RCVRN: variants seen among roughly 807,000 people sequenced by gnomAD.
The protein encoded by RCVRN is cancer associated retinopathy antigen.
A neutral mutation model predicts 20.4 loss-of-function variants in RCVRN; 23 were observed. The observed-to-expected ratio is 1.13, with a 90% CI of 0.81 to 1.60. The LOEUF is 1.60. RCVRN is among the 40% of genes most tolerant of loss of function. RCVRN has a pLI of 0.00. For missense variants in RCVRN, 254 were observed against 254.2 expected, an observed-to-expected ratio of 1.00 and a Z score of 0.00; for synonymous variants, 105 against 105.9, an observed-to-expected ratio of 0.99 and a Z score of 0.05.
chr17:9,902,081 C>G (rs1056652168), intron 1 of RCVRN, among the ~76,000 whole-genome samples: 2 of 151,644 alleles, frequency 1.3e-5, no homozygotes, highest in Non-Finnish European at 2.9e-5. Flanking sequence ...CTTGCTTCCC[C>G]CTCTTTCCTT....
chr17:9,899,420 C>A lies in RCVRN; in HGVS notation c.494-1216G>T, dbSNP rs114918844. On this transcript the variant is annotated intron_variant, in intron 2 of 2. Transcript: ENST00000226193. The surrounding 1 kb of genome is among the most constrained non-coding windows in gnomAD (Gnocchi z 4.6). ...CAGATGGGCCGCGTGGAAACACGTA[C>A]AACACATCACGAACAGGAGTAACAC... Among the ~76,000 whole-genome samples, 452 of 152,338 alleles carry A rather than the reference C, an allele frequency of 3.0e-3. 3 individuals carry two copies. Among genetic ancestry groups the A allele is most frequent in the African/African-American group, 0.011 (440 of 41,578 alleles).
rs1187350746 is a variant in RCVRN, at chr17:9,904,586, C to G, written c.381+214G>C. On this transcript the variant is annotated intron_variant, in intron 1 of 2. Transcript: ENST00000226193. This position sits in a 1 kb window ranked among gnomAD's most constrained non-coding sequence, Gnocchi z 5.8. Reference sequence around the variant, plus strand: ...CATAACATGGCTGTATTAGGAAACACTCAGATTCTGCTCCGGGAAGACAAC... The same window carrying G: ...CATAACATGGCTGTATTAGGAAACAGTCAGATTCTGCTCCGGGAAGACAAC... 1.3e-5 allele frequency among the ~76,000 whole-genome samples: 2 copies of G among 152,208 alleles called. No individual in the cohort carries two copies. The highest frequency in any genetic ancestry group is 2.9e-5 in the Non-Finnish European group (2 of 68,034).
Position 9,899,617 on chromosome 17 carries a change from C to T in RCVRN, c.493+1372G>A, listed in dbSNP as rs2152054261. Among the ~76,000 whole-genome samples, 1 of 152,282 alleles carries T rather than the reference C, an allele frequency of 6.6e-6. No homozygotes were observed. Among genetic ancestry groups the T allele is most frequent in the East Asian group, 1.9e-4 (1 of 5,166 alleles). ...GTGCCAAAAGAAGGCATCTTGGTAGCCAGTGTCTGTGCAAGGAGGAGAGAG... is the reference window on the plus strand; with the variant it reads ...GTGCCAAAAGAAGGCATCTTGGTAGTCAGTGTCTGTGCAAGGAGGAGAGAG... On this transcript the variant is annotated intron_variant, in intron 2 of 2. Transcript: ENST00000226193. This position sits in a 1 kb window ranked among gnomAD's most constrained non-coding sequence, Gnocchi z 4.6.
chr17:9,901,738 G>T (rs1335043223), intron 1 of RCVRN, among the ~76,000 whole-genome samples: 1 of 152,200 alleles, frequency 6.6e-6, no homozygotes, highest in Admixed American at 6.5e-5. Context: ...GTGAGTGCCT[G>T]CCCACCCCAC....
In RCVRN at chr17:9,904,239, C is replaced by T. The variant is rs2152055071; in HGVS notation, c.381+561G>A. On this transcript the variant is annotated intron_variant, in intron 1 of 2. Transcript: ENST00000226193. This position sits in a 1 kb window ranked among gnomAD's most constrained non-coding sequence, Gnocchi z 5.8. ...TCTGGGCTACAGAGTGAGACTCCAT[C>T]TCAAAAAAATAAAAAATAAAAAACC... 6.6e-6 allele frequency among the ~76,000 whole-genome samples: 1 copy of T among 152,076 alleles called. No homozygotes were observed. Among genetic ancestry groups the T allele is most frequent in the South Asian group, 2.1e-4 (1 of 4,808 alleles).
Position 9,899,134 on chromosome 17 carries a change from C to T in RCVRN, c.494-930G>A, listed in dbSNP as rs928801134. Among the ~76,000 whole-genome samples, 3 of 152,200 alleles carry T rather than the reference C, an allele frequency of 2.0e-5. No homozygotes were observed. Among genetic ancestry groups the T allele is most frequent in the Non-Finnish European group, 2.9e-5 (2 of 68,034 alleles). On this transcript the variant is annotated intron_variant, in intron 2 of 2. Transcript: ENST00000226193. The surrounding 1 kb of genome is among the most constrained non-coding windows in gnomAD (Gnocchi z 4.6). ...AAATACCTCTAGCATGAGACAGATG[C>T]TCCTTTCTGTTGTATGTTCACAGTG...
At position 9,901,074 on chromosome 17, in the gene RCVRN, C is replaced by T. The variant is rs557702753; in HGVS notation, c.408G>A (p.Glu136=). 1 of 1,605,522 alleles carries T rather than the reference C, an allele frequency of 6.2e-7. No homozygotes were observed. Among genetic ancestry groups the T allele is most frequent in the East Asian group, 2.2e-5 (1 of 44,660 alleles). The change falls in exon 2 of 3, where the codon GAG becomes GAA. Residue 136 remains glutamate (E), a synonymous_variant. Coordinates refer to ENST00000226193, the MANE Select transcript of RCVRN (RefSeq NM_002903.3). ...CATCGTCTGGAAGGAGCTTCACGTC[C>T]TCGGGAGTGATCATTTTGAAAATAG... ...VMAIFKMITP[E]DVKLLPDDEN... is the part of the protein sequence containing the mutation.
In RCVRN at chr17:9,904,949, C is replaced by T. The variant is rs777897509; in HGVS notation, c.232G>A (p.Asp78Asn). The T allele has an allele frequency of 8.7e-6, 14 of 1,614,152 alleles. No homozygotes were observed. In the East Asian group the frequency reaches 1.8e-4, roughly 21 times the overall value. The part of the protein sequence containing the change: ...HVFRSFDSNL[D>N]GTLDFKEYVI... ...TACTCCTTGAAGTCCAGGGTGCCGT[C>T]GAGGTTGGAATCGAAGCTGCGGAAC... Residue 78 changes from aspartate to asparagine, a missense_variant, in exon 1 of 3, where the codon GAC becomes AAC. Asp to Asn is a conservative substitution (Grantham distance 23). Transcript: ENST00000226193. This position sits in a 1 kb window ranked among gnomAD's most constrained non-coding sequence, Gnocchi z 5.8.
intron 1 of RCVRN, among the ~76,000 whole-genome samples, chr17:9,903,654 A>G (rs1261247550): frequency 6.6e-6 from 1 of 152,220 alleles, no homozygotes; most frequent in Non-Finnish European, 1.5e-5. Context: ...GGATGGAGAG[A>G]AAGAAAAAAT....
chr17:9,899,892 G>T lies in RCVRN; in HGVS notation c.493+1097C>A, dbSNP rs2067334133. ...TCTCTCTGCCCTTATTTAGCATCCT[G>T]CTCAGCTTTTTCTTCTTGAACCTTG... is the stretch of plus-strand genomic sequence containing the variant. On this transcript the variant is annotated intron_variant, in intron 2 of 2. Transcript: ENST00000226193. This position sits in a 1 kb window ranked among gnomAD's most constrained non-coding sequence, Gnocchi z 4.6. Among the ~76,000 whole-genome samples, 1 of 152,148 alleles carries T rather than the reference G, an allele frequency of 6.6e-6. No individual in the cohort carries two copies. Among genetic ancestry groups the T allele is most frequent in the African/African-American group, 2.4e-5 (1 of 41,430 alleles).
intron 1 of RCVRN, chr17:9,901,327 A>G (rs2067340775): frequency 2.8e-5 from 11 of 393,626 alleles, no homozygotes; most frequent in Non-Finnish European, 2.3e-5. Context: ...CAAAGGCAAC[A>G]TAAACCAGAA....
rs567752490 is a variant in RCVRN at position 9,896,478 on chromosome 17, G to C, written c.*1617C>G. 8.5e-5 allele frequency: 13 copies of C among 152,338 alleles called. No individual in the cohort carries two copies. Among genetic ancestry groups the C allele is most frequent in the African/African-American group, 2.9e-4 (12 of 41,578 alleles). The allele number at this position is 152,338 out of a possible 1,614,324, so 9.4% of individuals were successfully genotyped here. ...CTCAGCCTCAAGAGGTTGCAGACAG[G>C]TCAGTCAAGAATCCAGGGTATCCAT... On this transcript the variant is annotated 3_prime_UTR_variant, in exon 3 of 3. Transcript: ENST00000226193.
chr17:9,904,930 T>C lies in RCVRN; in HGVS notation c.251A>G (p.Lys84Arg). The C allele has an allele frequency of 1.2e-6, 2 of 1,614,186 alleles. No homozygotes were observed. Among genetic ancestry groups the C allele is most frequent in the Non-Finnish European group, 1.7e-6 (2 of 1,180,022 alleles). The change falls in exon 1 of 3, where the codon AAG (lysine) becomes AGG (arginine). Residue 84 changes from lysine (K) to arginine (R), a missense_variant. Coordinates refer to ENST00000226193, the MANE Select transcript of RCVRN (RefSeq NM_002903.3). The surrounding 1 kb of genome is among the most constrained non-coding windows in gnomAD (Gnocchi z 5.8). ...DSNLDGTLDF[K>R]EYVIALHMTT... The stretch of plus-strand genomic sequence containing the variant: ...CATGTGCAGGGCGATGACGTACTCC[T>C]TGAAGTCCAGGGTGCCGTCGAGGTT...
Position 9,905,200 on chromosome 17 carries a change from GC to G in RCVRN, c.-21del. The G allele has an allele frequency of 6.3e-7, 1 of 1,588,590 alleles. No homozygotes were observed. The highest frequency in any genetic ancestry group is 8.6e-7 in the Non-Finnish European group (1 of 1,167,588). On this transcript the variant is annotated 5_prime_UTR_variant, in exon 1 of 3. Transcript: ENST00000226193. Reference sequence around the variant, plus strand: ...CCCCATGAGTGAGGAAGAGTGGGCAGCGGCTGGGGAGTCGCTGGGTGGGTGG... The same window carrying G: ...CCCCATGAGTGAGGAAGAGTGGGCAGGGCTGGGGAGTCGCTGGGTGGGTGG...
chr17:9,904,744 C>T lies in RCVRN; in HGVS notation c.381+56G>A. The T allele has an allele frequency of 6.4e-7, 1 of 1,569,574 alleles. No homozygotes were observed. Among genetic ancestry groups the T allele is most frequent in the South Asian group, 1.2e-5 (1 of 82,792 alleles). Reference sequence around the variant, plus strand: ...TCTGCAGCAGCTGCAGCAGGGGACCCCCAGCCCGGAGCGACCCCGGCACCG... The same window carrying T: ...TCTGCAGCAGCTGCAGCAGGGGACCTCCAGCCCGGAGCGACCCCGGCACCG... On this transcript the variant is annotated intron_variant, in intron 1 of 2. Transcript: ENST00000226193. The surrounding 1 kb of genome is among the most constrained non-coding windows in gnomAD (Gnocchi z 5.8).
intron 2 of RCVRN, among the ~76,000 whole-genome samples, chr17:9,898,570 G>C (rs1182569058): frequency 6.6e-6 from 1 of 152,176 alleles, no homozygotes; most frequent in Non-Finnish European, 1.5e-5. Context: ...ATTTTCTATA[G>C]TAGCTCAAGT....
chr17:9,904,760 C>T lies in RCVRN; in HGVS notation c.381+40G>A. The T allele has an allele frequency of 1.3e-6, 2 of 1,586,856 alleles. No homozygotes were observed. The highest frequency in any genetic ancestry group is 1.7e-6 in the Non-Finnish European group (2 of 1,164,430). On this transcript the variant is annotated intron_variant, in intron 1 of 2. Coordinates refer to ENST00000226193, the MANE Select transcript of RCVRN (RefSeq NM_002903.3). The surrounding 1 kb of genome is among the most constrained non-coding windows in gnomAD (Gnocchi z 5.8). ...CAGGGGACCCCCAGCCCGGAGCGACCCCGGCACCGCCCAGCCAGAAGGGGA... is the reference window on the plus strand; with the variant it reads ...CAGGGGACCCCCAGCCCGGAGCGACTCCGGCACCGCCCAGCCAGAAGGGGA...
In RCVRN at chr17:9,899,431, G is replaced by A. The variant is rs535650436; in HGVS notation, c.494-1227C>T. Among the ~76,000 whole-genome samples, 5 of 152,308 alleles carry A rather than the reference G, an allele frequency of 3.3e-5. No homozygotes were observed. Among genetic ancestry groups the A allele is most frequent in the South Asian group, 2.1e-4 (1 of 4,828 alleles). On this transcript the variant is annotated intron_variant, in intron 2 of 2. Coordinates refer to ENST00000226193, the MANE Select transcript of RCVRN (RefSeq NM_002903.3). This position sits in a 1 kb window ranked among gnomAD's most constrained non-coding sequence, Gnocchi z 4.6. ...CGTGGAAACACGTACAACACATCAC[G>A]AACAGGAGTAACACGTCGACCTCGG...
rs1161769900 is a variant in RCVRN at position 9,896,495 on chromosome 17, G to A, written c.*1600C>T. On this transcript the variant is annotated 3_prime_UTR_variant, in exon 3 of 3. Coordinates refer to ENST00000226193, the MANE Select transcript of RCVRN (RefSeq NM_002903.3). Reference sequence around the variant, plus strand: ...GCAGACAGGTCAGTCAAGAATCCAGGGTATCCATGCATTTTTCTGACCTCA... The same window carrying A: ...GCAGACAGGTCAGTCAAGAATCCAGAGTATCCATGCATTTTTCTGACCTCA... The A allele has an allele frequency of 1.3e-5, 2 of 152,112 alleles. No individual in the cohort carries two copies. Among genetic ancestry groups the A allele is most frequent in the African/African-American group, 2.4e-5 (1 of 41,414 alleles). 9.4% of individuals were successfully genotyped at this position (152,112 alleles called of 1,614,324 possible).
Sources: allele counts gnomAD v4.1 joint callset (sites outside exome capture counted in the v4.1 genomes callset), GRCh38; gene constraint gnomAD v4.1.1; non-coding constraint Gnocchi (gnomAD v3.1); transcripts MANE v1.5; gene names NCBI Gene and HGNC (gene_info 2026-07-23, HGNC 2026-07-21).